The following RUFY4 variants were observed in gnomAD, a reference collection of about 807,000 sequenced individuals.
The protein encoded by RUFY4 is RUN and FYVE domain containing 4, also known as RUN and FYVE domain-containing protein 4.
Under a neutral mutation model 69.0 loss-of-function variants are expected in RUFY4, and 73 were observed. That is an observed-to-expected ratio of 1.06 (90% CI 0.88 to 1.29). The LOEUF is 1.29. Ranked by LOEUF, RUFY4 falls within the 50% of genes most tolerant of loss-of-function variation. The pLI, the probability that RUFY4 is intolerant of heterozygous loss-of-function variation, is 0.00. For synonymous variants in RUFY4, 287 were observed against 271.8 expected (o/e 1.06, Z -0.55); for missense variants, 770 against 705.6 (o/e 1.09, Z -1.03).
intron 8 of RUFY4, among the ~76,000 whole-genome samples, chr2:218,078,125 G>A (rs6436025): frequency 0.098 from 14,849 of 152,234 alleles, 728 homozygotes; most frequent in South Asian, 0.16. Context: ...CTGCCCTCAT[G>A]GAGCTTGCAT....
intron 3 of RUFY4, chr2:218,061,327 T>C: frequency 3.4e-6 from 1 of 294,662 alleles, no homozygotes; most frequent in South Asian, 3.3e-5. Context: ...AGAAAAGGGG[T>C]AGGGTCATAG....
chr2:218,071,258 C>T (rs1219213047), intron 2 of RUFY4, among the ~76,000 whole-genome samples: 1 of 152,154 alleles, frequency 6.6e-6, no homozygotes, highest in Non-Finnish European at 1.5e-5. Context: ...AATCCTCACT[C>T]TCGCCCTCTG....
At chr2:218,041,586 A>T (rs1253444076) in intron 2 of RUFY4, among the ~76,000 whole-genome samples, 1 of 145,980 alleles carries the variant, frequency 6.9e-6, no homozygotes, top group Admixed American at 6.6e-5. Context: ...ACAGAAGTAC[A>T]GCCAAAAAAA....
At position 218,051,206 on chromosome 2, in the gene RUFY4, G is replaced by A. The variant is rs180711254; in HGVS notation, c.-1157-7389G>A. ...GCTGAAACATTAATTGTTAAACATA[G>A]CTTTAAGCTTATTTATTTTTGACTT... On this transcript the variant is annotated intron_variant and NMD_transcript_variant, in intron 2 of 13. Coordinates refer to the RUFY4 transcript ENST00000457754. 1.4e-4 allele frequency among the ~76,000 whole-genome samples: 22 copies of A among 152,200 alleles called. No homozygotes were observed. In the East Asian group the frequency reaches 4.2e-3, roughly 29 times the overall value.
intron 9 of RUFY4, among the ~76,000 whole-genome samples, chr2:218,086,675 G>A (rs1689900962): frequency 6.6e-6 from 1 of 152,142 alleles, no homozygotes; most frequent in Non-Finnish European, 1.5e-5. Context: ...GTTAGTTGAG[G>A]ATGTGCTCCA....
intron 7 of RUFY4, among the ~76,000 whole-genome samples, chr2:218,076,167 G>C (rs1689626978): frequency 6.6e-6 from 1 of 152,326 alleles, no homozygotes; most frequent in Non-Finnish European, 1.5e-5. Flanking sequence ...TTGTCACCAA[G>C]CCTCCCTTCG....
At chr2:218,074,207 C>T (rs1028737657) in intron 6 of RUFY4, among the ~76,000 whole-genome samples, 13 of 152,176 alleles carry the variant, frequency 8.5e-5, no homozygotes, top group African/African-American at 3.1e-4. Flanking sequence ...GAGGGACACC[C>T]TCTGCTGAGT....
At chr2:218,075,969 T>A (rs911137306) in intron 7 of RUFY4, among the ~76,000 whole-genome samples, 8 of 151,918 alleles carry the variant, frequency 5.3e-5, no homozygotes, top group Non-Finnish European at 8.8e-5. Flanking sequence ...TCGGCAATAC[T>A]TCTTGCCCAG....
intron 2 of RUFY4, among the ~76,000 whole-genome samples, chr2:218,036,262 TCC>T (rs1181758066): frequency 1.3e-5 from 2 of 152,152 alleles, no homozygotes; most frequent in Admixed American, 1.3e-4. Flanking sequence ...GCTGGGATTT[TCC>T]CTTGCTGTGT....
chr2:218,051,280 G>A (rs1291745958), intron 2 of RUFY4, among the ~76,000 whole-genome samples: 3 of 151,988 alleles, frequency 2.0e-5, no homozygotes, highest in Non-Finnish European at 2.9e-5. Flanking sequence ...TTAAGAAAAC[G>A]TCCTATACCA....
chr2:218,061,008 G>A (rs1403021849), intron 3 of RUFY4: 2 of 747,154 alleles, frequency 2.7e-6, no homozygotes, highest in Middle Eastern at 2.4e-4. Flanking sequence ...GCTGCGGCAG[G>A]CCAGTAGTAG....
chr2:218,060,370 G>A, intron 3 of RUFY4: 1 of 1,547,426 alleles, frequency 6.5e-7, no homozygotes, highest in East Asian at 2.2e-5. Flanking sequence ...CCCTGAAGAA[G>A]AGCCAACAAA....
Position 218,075,486 on chromosome 2 carries a change from A to T in RUFY4, c.994A>T (p.Thr332Ser), listed in dbSNP as rs775589531. The T allele has an allele frequency of 8.2e-6, 13 of 1,592,292 alleles. No homozygotes were observed. The Admixed American group carries it at 2.3e-4, about 28-fold the overall frequency. ...AGAGGGTCAGAGAACAACAGAGGGG[A>T]CTCACAAAAAGGAAGCAGAGTGGAG... Residue 332 changes from threonine (T) to serine (S), a missense_variant, in exon 7 of 11, where the codon ACT (threonine) becomes TCT (serine). By Grantham distance (58) the Thr-to-Ser change is moderately conservative. Coordinates refer to ENST00000344321, the Ensembl canonical transcript of RUFY4.
intron 2 of RUFY4, among the ~76,000 whole-genome samples, chr2:218,036,907 C>G (rs912840167): frequency 3.3e-5 from 5 of 152,200 alleles, no homozygotes; most frequent in African/African-American, 1.2e-4. Flanking sequence ...CTAAGTTGCC[C>G]AGCTCCAGCT....
At chr2:218,076,278 C>G in intron 7 of RUFY4, 149 bp from the exon 10 acceptor site, 5 of 1,341,202 alleles carry the variant, frequency 3.7e-6, no homozygotes, top group Non-Finnish European at 4.9e-6. Flanking sequence ...GGGCCTAGGA[C>G]AGAGCCAGGC....
chr2:218,086,461 C>T (rs2106074920), intron 9 of RUFY4, among the ~76,000 whole-genome samples: 1 of 152,294 alleles, frequency 6.6e-6, no homozygotes, highest in Non-Finnish European at 1.5e-5. Context: ...GAAAAAAAGA[C>T]AGATCACCTA....
chr2:218,038,867 GTCTT>G (rs1959018812), intron 2 of RUFY4, among the ~76,000 whole-genome samples: 1 of 152,158 alleles, frequency 6.6e-6, no homozygotes. Context: ...GCCAAGCAGT[GTCTT>G]TCTTTCTCTT....
intron 2 of RUFY4, 146 bp downstream of exon 4, chr2:218,071,005 CT>C (rs1235294763): frequency 1.5e-6 from 1 of 659,518 alleles, no homozygotes. Flanking sequence ...CCTAACCTCA[CT>C]CTTGGAGTTT....
At chr2:218,067,003 C>A (rs79672794), upstream of RUFY4, among the ~76,000 whole-genome samples, 3 of 152,306 alleles carry the variant, frequency 2.0e-5, no homozygotes, top group Non-Finnish European at 4.4e-5. Flanking sequence ...TCTGTATTTA[C>A]GAAATATTTC....
Sources: gnomAD v4.1 joint callset for allele counts (sites outside exome capture counted in the v4.1 genomes callset) on GRCh38, gnomAD v4.1.1 for gene constraint, MANE v1.5 for transcripts, NCBI Gene and HGNC (gene_info 2026-07-23, HGNC 2026-07-21) for gene names.